PPP5C: variants seen among roughly 807,000 people sequenced by gnomAD.
The protein encoded by PPP5C is protein phosphatase 5 catalytic subunit.
A neutral mutation model predicts 66.7 loss-of-function variants in PPP5C; 21 were observed. The observed-to-expected ratio is 0.31, with a 90% confidence interval of 0.22 to 0.45. The LOEUF is 0.45. Among genes scored for constraint, PPP5C ranks in the 20% least tolerant of loss-of-function variants. The probability of loss-of-function intolerance (pLI) is 1.00; values close to 1 mark genes in which losing one functional copy is unlikely to be tolerated. For synonymous variants in PPP5C, 246 were observed against 257.4 expected (o/e 0.96, Z 0.43); for missense variants, 464 against 675.9 (o/e 0.69, Z 3.48).
chr19:46,360,857 A>T (rs897719261), intron 2 of PPP5C, among the ~76,000 whole-genome samples: 23 of 152,190 alleles, frequency 1.5e-4, no homozygotes, highest in African/African-American at 5.1e-4. Context: ...TAATCAAAAT[A>T]GGATCACACA....
Position 46,390,921 on chromosome 19 carries a change from G to T in PPP5C, c.*575G>T, listed in dbSNP as rs1383467117. The T allele has an allele frequency of 6.0e-6, 7 of 1,174,328 alleles. No homozygotes were observed. In the African/African-American group the frequency reaches 1.1e-4, roughly 19 times the overall value. The allele number at this position is 1,174,328 out of a possible 1,614,324, so 72.7% of individuals were successfully genotyped here. A position where few individuals can be genotyped will look rare whatever the true frequency, so the allele number is the denominator to read the frequency against. ...GTTACGCCTGCTCAGGAGATCCGGA[G>T]GGTGGGGAGGCCGCAAAGTCCCGCT... On this transcript the variant is annotated 3_prime_UTR_variant, in exon 13 of 13. Coordinates refer to ENST00000012443, the MANE Select transcript of PPP5C (RefSeq NM_006247.4).
At chr19:46,352,355 G>A (rs1236733724) in intron 1 of PPP5C, among the ~76,000 whole-genome samples, 1 of 152,188 alleles carries the variant, frequency 6.6e-6, no homozygotes, top group East Asian at 1.9e-4. Context: ...TAGTCCACAG[G>A]GGGTTCCTCA....
intron 2 of PPP5C, among the ~76,000 whole-genome samples, chr19:46,355,633 G>A (rs1972272302): frequency 6.6e-6 from 1 of 152,126 alleles, no homozygotes; most frequent in Non-Finnish European, 1.5e-5. Context: ...GGGCTCCCAA[G>A]CCATTCTTGG....
intron 9 of PPP5C, 167 bp downstream of exon 9, chr19:46,387,620 C>A: frequency 2.0e-6 from 3 of 1,531,316 alleles, no homozygotes; most frequent in Non-Finnish European, 2.6e-6. Context: ...GCACCTCCTT[C>A]ATGGGGCTGT....
In PPP5C at chr19:46,388,716, CT is replaced by C; in HGVS notation, c.1341del (p.Ala448ProfsTer49). ...GGAGGCCGCTGTGTCACCGTCTTCTCTGCCCCCAACTACTGGTATGTCTTTG... is the reference window on the plus strand; with the variant it reads ...GGAGGCCGCTGTGTCACCGTCTTCTCGCCCCCAACTACTGGTATGTCTTTG... The part of the protein sequence containing the change: ...AHGGRCVTVF[S>X]APNYCDQMGN... On this transcript the variant is annotated frameshift_variant, in exon 11 of 13. Transcript: ENST00000012443. LOFTEE classifies it high-confidence loss of function. This position sits in a 1 kb window ranked among gnomAD's most constrained non-coding sequence, Gnocchi z 4.9. 1 of 1,614,124 alleles carries C rather than the reference CT, an allele frequency of 6.2e-7. No homozygotes were observed.
chr19:46,387,045 T>C (rs1383565920), intron 7 of PPP5C, 48 bp from the exon 8 acceptor site: 1 of 1,613,582 alleles, frequency 6.2e-7, no homozygotes, highest in Non-Finnish European at 8.5e-7. Context: ...TGGAGGACAC[T>C]GATGTACCTG....
chr19:46,353,176 G>A (rs1049843381), intron 1 of PPP5C, among the ~76,000 whole-genome samples: 5 of 152,182 alleles, frequency 3.3e-5, no homozygotes, highest in East Asian at 1.9e-4. Context: ...CCTTACTCCC[G>A]TGGAGACATG....
In PPP5C at chr19:46,390,520, G is replaced by A; in HGVS notation, c.*174G>A. 6.9e-7 allele frequency: 1 copy of A among 1,454,230 alleles called. No homozygotes were observed. Among genetic ancestry groups the A allele is most frequent in the Non-Finnish European group, 9.1e-7 (1 of 1,102,242 alleles). The allele number at this position is 1,454,230 out of a possible 1,614,324, so 90.1% of individuals were successfully genotyped here. A position where few individuals can be genotyped will look rare whatever the true frequency, so the allele number is the denominator to read the frequency against. On this transcript the variant is annotated 3_prime_UTR_variant, in exon 13 of 13. Transcript: ENST00000012443. Reference sequence around the variant, plus strand: ...CAGAGGGGGTAGGGGCAGAGTCAGGGGCTGGCCAGAGGGTCTGCTCCCTGG... The same window carrying A: ...CAGAGGGGGTAGGGGCAGAGTCAGGAGCTGGCCAGAGGGTCTGCTCCCTGG...
chr19:46,360,782 C>T (rs1420877456), intron 2 of PPP5C, among the ~76,000 whole-genome samples: 1 of 152,204 alleles, frequency 6.6e-6, no homozygotes, highest in Non-Finnish European at 1.5e-5. Flanking sequence ...ATGTGTTAGC[C>T]ACCACGCCCA....
chr19:46,372,574 C>T (rs764409587), intron 2 of PPP5C, among the ~76,000 whole-genome samples: 9 of 152,206 alleles, frequency 5.9e-5, no homozygotes, highest in Non-Finnish European at 8.8e-5. Context: ...ACGCAGCCCC[C>T]AGGGCTTCTT....
intron 2 of PPP5C, among the ~76,000 whole-genome samples, chr19:46,366,490 T>C (rs796780532): frequency 3.3e-5 from 5 of 152,188 alleles, no homozygotes; most frequent in African/African-American, 1.2e-4. Context: ...GGACTGCAAG[T>C]GCATGCCACC....
intron 1 of PPP5C, among the ~76,000 whole-genome samples, chr19:46,351,476 C>T (rs75463318): frequency 0.016 from 2,438 of 152,292 alleles, 70 homozygotes; most frequent in African/African-American, 0.056. Flanking sequence ...TCGTAAAATC[C>T]TCACGGCCAC....
At chr19:46,375,377 T>A (rs972591258) in intron 2 of PPP5C, among the ~76,000 whole-genome samples, 13 of 152,210 alleles carry the variant, frequency 8.5e-5, no homozygotes, top group Admixed American at 7.8e-4. Context: ...AGCGCGCTCA[T>A]AGCTAAGATT....
chr19:46,353,370 C>A (rs1199344935), intron 1 of PPP5C, among the ~76,000 whole-genome samples: 1 of 152,172 alleles, frequency 6.6e-6, no homozygotes, highest in Non-Finnish European at 1.5e-5. Context: ...CCTGCCTCAT[C>A]TCTCCTCCCC....
intron 2 of PPP5C, among the ~76,000 whole-genome samples, chr19:46,363,188 G>A (rs1340780031): frequency 7.2e-5 from 10 of 139,136 alleles, no homozygotes; most frequent in African/African-American, 2.6e-4. Context: ...GGCGCCTGTA[G>A]TCCCAGCTAC....
At position 46,347,142 on chromosome 19, in the gene PPP5C, C is replaced by G; in HGVS notation, c.46C>G (p.Arg16Gly). The G allele has an allele frequency of 3.1e-6, 5 of 1,604,954 alleles. No homozygotes were observed. The highest frequency in any genetic ancestry group is 1.1e-5 in the South Asian group (1 of 89,568). The change falls in exon 1 of 13, where the codon CGG becomes GGG. Residue 16 changes from arginine (R) to glycine (G), a missense_variant. Arg to Gly is a moderately radical substitution (Grantham distance 125, BLOSUM62 -2). Coordinates refer to ENST00000012443, the MANE Select transcript of PPP5C (RefSeq NM_006247.4). ...GERTECAEPP[R>G]DEPPADGALK... ...GAGGACTGAGTGTGCTGAGCCCCCC[C>G]GGGACGAACCCCCGGCTGATGGAGC... is the stretch of plus-strand genomic sequence containing the variant.
chr19:46,368,473 C>T (rs149485971), intron 2 of PPP5C, among the ~76,000 whole-genome samples: 112 of 152,362 alleles, frequency 7.4e-4, no homozygotes, highest in African/African-American at 2.5e-3. Context: ...CATATCAGTC[C>T]TTCAGCCCTG....
chr19:46,351,275 T>G lies in PPP5C; in HGVS notation c.122-2473T>G, dbSNP rs142564468. Among the ~76,000 whole-genome samples the G allele has an allele frequency of 8.5e-5, 13 of 152,308 alleles. No individual in the cohort carries two copies. In the East Asian group the frequency reaches 2.5e-3, roughly 29 times the overall value. ...CCTTGCATCTAAAATGGGGAATGTC[T>G]TGAGGCTTAAATATGGTCCTGTTTG... On this transcript the variant is annotated intron_variant, in intron 1 of 12. Transcript: ENST00000012443.
Position 46,365,460 on chromosome 19 carries a change from G to T in PPP5C, c.364-10144G>T, listed in dbSNP as rs112436059. On this transcript the variant is annotated intron_variant, in intron 2 of 12. Transcript: ENST00000012443. ...TCCTTCTCAAAAGTGACCAAGGCCA[G>T]GACAGTATATTGCGTCGAGGTGTGC... is the stretch of plus-strand genomic sequence containing the variant. 7.9e-3 allele frequency among the ~76,000 whole-genome samples: 1,204 copies of T among 152,316 alleles called. 8 individuals carry two copies. The highest frequency in any genetic ancestry group is 0.024 in the Middle Eastern group (7 of 294).
Sources: allele counts gnomAD v4.1 joint callset (sites outside exome capture counted in the v4.1 genomes callset), GRCh38; gene constraint gnomAD v4.1.1; non-coding constraint Gnocchi (gnomAD v3.1); transcripts MANE v1.5; gene names NCBI Gene and HGNC (gene_info 2026-07-23, HGNC 2026-07-21).